The following PCNX2 variants were observed in gnomAD, a reference collection of about 807,000 sequenced individuals.
PCNX2 encodes the protein pecanex-like protein 2.
In PCNX2, 168 loss-of-function variants were observed where a neutral mutation model predicts 223.8. The observed-to-expected ratio is 0.75, with a 90% CI of 0.66 to 0.85. PCNX2 has a LOEUF of 0.85. PCNX2 is among the 40% of genes least tolerant of loss of function. The pLI is 0.00. For missense variants in PCNX2, 2,507 were observed against 2,675.5 expected, an observed-to-expected ratio of 0.94 and a Z score of 1.39; for synonymous variants, 1,006 against 1,052.6, an observed-to-expected ratio of 0.96 and a Z score of 0.86.
rs144883886 is a variant in PCNX2, at chr1:233,141,058, C to T, written c.3518-1203G>A. On this transcript the variant is annotated intron_variant, in intron 19 of 33. Transcript: ENST00000258229. ...TTATAGTAAAAAAAAAAACTTTACCCTACAATGACCTAGAGTTAAAAAGAG... is the reference window on the plus strand; with the variant it reads ...TTATAGTAAAAAAAAAAACTTTACCTTACAATGACCTAGAGTTAAAAAGAG... Among the ~76,000 whole-genome samples the T allele has an allele frequency of 4.1e-3, 626 of 152,286 alleles. 5 individuals are homozygous for T. The highest frequency in any genetic ancestry group is 0.015 in the African/African-American group (604 of 41,564).
intron 15 of PCNX2, among the ~76,000 whole-genome samples, chr1:233,192,997 ATAT>A (rs1473727168): frequency 1.4e-5 from 2 of 147,526 alleles, no homozygotes; most frequent in African/African-American, 2.5e-5. Flanking sequence ...TTAGACTTAT[ATAT>A]TATATATAAT....
rs754503128 is a variant in PCNX2 at position 233,001,702 on chromosome 1, A to G, written c.4953-21T>C. The G allele has an allele frequency of 4.6e-6, 7 of 1,523,020 alleles. No individual in the cohort carries two copies. Among genetic ancestry groups the G allele is most frequent in the African/African-American group, 1.4e-5 (1 of 72,904 alleles). The allele number at this position is 1,523,020 out of a possible 1,614,324, so 94.3% of individuals were successfully genotyped here. On this transcript the variant is annotated intron_variant, in intron 28 of 33. Transcript: ENST00000258229. The surrounding 1 kb of genome is among the most constrained non-coding windows in gnomAD (Gnocchi z 4.2). ...CCAGGCTGCAAAACAAAGTCCTATT[A>G]CTATGGAACAAATTTCAGAATCCTG...
intron 15 of PCNX2, among the ~76,000 whole-genome samples, chr1:233,194,690 C>T (rs578051592): frequency 5.3e-4 from 80 of 152,048 alleles, no homozygotes; most frequent in African/African-American, 1.9e-3. Context: ...CAAGCCATTA[C>T]ATAATGTCAA....
intron 23 of PCNX2, among the ~76,000 whole-genome samples, chr1:233,081,783 G>A (rs866368039): frequency 6.6e-6 from 1 of 152,166 alleles, no homozygotes. Context: ...GTCCTACTCT[G>A]AGCAAATGCC....
intron 21 of PCNX2, among the ~76,000 whole-genome samples, chr1:233,127,700 G>A (rs1189613496): frequency 4.6e-5 from 7 of 152,078 alleles, no homozygotes; most frequent in East Asian, 1.9e-4. Flanking sequence ...TCTGTGCCTA[G>A]TTTTCTCACC....
At chr1:233,266,271 G>T (rs1660326983) in intron 1 of PCNX2, among the ~76,000 whole-genome samples, 2 of 152,116 alleles carry the variant, frequency 1.3e-5, no homozygotes, top group African/African-American at 4.8e-5. Flanking sequence ...TTCTCAAAAG[G>T]CTGAGGCAGG....
At chr1:233,261,112 C>G (rs552497999) in intron 4 of PCNX2, among the ~76,000 whole-genome samples, 173 bp downstream of exon 4, 1 of 151,992 alleles carries the variant, frequency 6.6e-6, no homozygotes, top group East Asian at 1.9e-4. Flanking sequence ...TATACAAATA[C>G]CGATGAGAAA....
At chr1:233,212,090 A>T (rs1681854656) in intron 12 of PCNX2, among the ~76,000 whole-genome samples, 2 of 152,102 alleles carry the variant, frequency 1.3e-5, no homozygotes, top group Non-Finnish European at 2.9e-5. Context: ...GCTGTTGATG[A>T]TTTCGTTTTT....
chr1:233,068,152 A>C lies in PCNX2; in HGVS notation c.4077-10862T>G, dbSNP rs146488542. On this transcript the variant is annotated intron_variant, in intron 23 of 33. Transcript: ENST00000258229. ...TAGAAACCATAGAGGTCAGGAAGAA[A>C]TAGCACAATATGTTTTTAAGTGCTG... is the stretch of plus-strand genomic sequence containing the variant. Among the ~76,000 whole-genome samples, 295 of 152,348 alleles carry C rather than the reference A, an allele frequency of 1.9e-3. 2 individuals are homozygous for C. The highest frequency in any genetic ancestry group is 6.1e-3 in the African/African-American group (254 of 41,592).
At position 233,025,153 on chromosome 1, in the gene PCNX2, T is replaced by C. The variant is rs765434347; in HGVS notation, c.4598A>G (p.Tyr1533Cys). ...FDLRRILIRY[Y>C]IKSIIYYMVT... ...TGGGAAACAGAGCAATACCTTGATG[T>C]AGTAGCGGATGAGGATCCTTCGGAG... The change falls in exon 26 of 34, where the codon TAC becomes TGC. Residue 1533 changes from tyrosine to cysteine, a missense_variant. Physicochemically the swap from Tyr to Cys is radical, Grantham distance 194. Coordinates refer to ENST00000258229, the MANE Select transcript of PCNX2 (RefSeq NM_014801.4). The C allele has an allele frequency of 6.2e-7, 1 of 1,613,952 alleles. No individual in the cohort carries two copies. The highest frequency in any genetic ancestry group is 8.5e-7 in the Non-Finnish European group (1 of 1,179,854).
intron 15 of PCNX2, among the ~76,000 whole-genome samples, chr1:233,183,028 T>G (rs1261549526): frequency 1.3e-5 from 2 of 152,210 alleles, no homozygotes; most frequent in Non-Finnish European, 2.9e-5. Flanking sequence ...CATGTTTCAC[T>G]GAATTAATGG....
At chr1:233,241,568 C>T (rs1251236352) in intron 8 of PCNX2, among the ~76,000 whole-genome samples, 1 of 152,180 alleles carries the variant, frequency 6.6e-6, no homozygotes, top group East Asian at 1.9e-4. Flanking sequence ...AGGTGATCAT[C>T]TGCTTCTTGC....
At chr1:233,147,995 A>G (rs908835806) in intron 19 of PCNX2, among the ~76,000 whole-genome samples, 11 of 152,238 alleles carry the variant, frequency 7.2e-5, no homozygotes, top group Non-Finnish European at 1.6e-4. Flanking sequence ...ACAAAAAAAT[A>G]CTGAGTTAGA....
At chr1:232,992,350 T>C (rs1348046680) in intron 32 of PCNX2, among the ~76,000 whole-genome samples, 1 of 152,220 alleles carries the variant, frequency 6.6e-6, no homozygotes, top group African/African-American at 2.4e-5. Context: ...GGTGTCAGCT[T>C]TGCCTGCTCG....
At chr1:233,181,908 T>A (rs1679824695) in intron 15 of PCNX2, among the ~76,000 whole-genome samples, 1 of 152,244 alleles carries the variant, frequency 6.6e-6, no homozygotes, top group African/African-American at 2.4e-5. Flanking sequence ...ACATGAATTT[T>A]GAGGGACACA....
intron 15 of PCNX2, among the ~76,000 whole-genome samples, chr1:233,190,757 A>C (rs768840049): frequency 2.6e-5 from 4 of 152,182 alleles, no homozygotes; most frequent in African/African-American, 4.8e-5. Flanking sequence ...GTGCTTTCAA[A>C]ATGGAATCTA....
chr1:233,213,790 A>T (rs1195653471), intron 12 of PCNX2, among the ~76,000 whole-genome samples: 1 of 147,938 alleles, frequency 6.8e-6, no homozygotes, highest in Non-Finnish European at 1.5e-5. Flanking sequence ...TGCACCAGGC[A>T]TATTACATAC....
intron 21 of PCNX2, among the ~76,000 whole-genome samples, chr1:233,107,887 AG>A (rs1239128523): frequency 1.3e-5 from 2 of 152,178 alleles, no homozygotes; most frequent in Non-Finnish European, 2.9e-5. Context: ...CACAAATTAC[AG>A]GTCATAAAGA....
intron 19 of PCNX2, among the ~76,000 whole-genome samples, chr1:233,157,737 A>G (rs534602696): frequency 6.6e-6 from 1 of 152,346 alleles, no homozygotes; most frequent in East Asian, 1.9e-4. Flanking sequence ...CAGGACACAG[A>G]TGGCACCAGA....
Sources: gnomAD v4.1 joint callset for allele counts (sites outside exome capture counted in the v4.1 genomes callset) on GRCh38, gnomAD v4.1.1 for gene constraint, Gnocchi (gnomAD v3.1) non-coding constraint, MANE v1.5 for transcripts, NCBI Gene and HGNC (gene_info 2026-07-23, HGNC 2026-07-21) for gene names.